The following CACNA1E variants were observed in gnomAD, a reference collection of about 807,000 sequenced individuals.
CACNA1E encodes calcium voltage-gated channel subunit alpha1 E, also known as voltage-dependent R-type calcium channel subunit alpha-1E.
In CACNA1E, 40 loss-of-function variants were observed where a neutral mutation model predicts 259.2. That is an observed-to-expected ratio of 0.15 (90% CI 0.12 to 0.20). The LOEUF (loss-of-function observed/expected upper bound fraction) is 0.20. Among genes scored for constraint, CACNA1E ranks in the 10% least tolerant of loss-of-function variants. The probability of loss-of-function intolerance (pLI) is 1.00; values close to 1 mark genes in which losing one functional copy is unlikely to be tolerated. For synonymous variants in CACNA1E, 1,104 were observed against 1,138.5 expected (o/e 0.97, Z 0.61); for missense variants, 1,874 against 3,040.1 (o/e 0.62, Z 9.02).
intron 40 of CACNA1E, 40 bp downstream of exon 40, chr1:181,783,824 C>A: frequency 7.7e-7 from 1 of 1,294,006 alleles, no homozygotes; most frequent in Non-Finnish European, 1.1e-6. Flanking sequence ...AGGAGGAATT[C>A]TGGAACAACT....
chr1:181,320,905 A>T (rs1464599453), intron 1 of CACNA1E, among the ~76,000 whole-genome samples: 5 of 152,122 alleles, frequency 3.3e-5, no homozygotes, highest in African/African-American at 7.2e-5. Context: ...AATTTATTTT[A>T]AAAAAAGAGG....
intron 1 of CACNA1E, among the ~76,000 whole-genome samples, chr1:181,359,729 G>A (rs1653723901): frequency 6.6e-6 from 1 of 152,138 alleles, no homozygotes; most frequent in Non-Finnish European, 1.5e-5. Flanking sequence ...ATTAAACTGT[G>A]TAGTGGGTAC....
At chr1:181,473,460 C>T (rs1055566173) in intron 2 of CACNA1E, among the ~76,000 whole-genome samples, 7 of 152,208 alleles carry the variant, frequency 4.6e-5, no homozygotes, top group East Asian at 1.9e-4. Context: ...TGGGATATTG[C>T]AATGCAAAAT....
intron 1 of CACNA1E, among the ~76,000 whole-genome samples, chr1:181,382,274 T>G (rs1222778319): frequency 1.3e-5 from 2 of 152,090 alleles, no homozygotes; most frequent in Non-Finnish European, 2.9e-5. Context: ...CTAGAGTTGG[T>G]AAGGGAGAGG....
chr1:181,725,542 T>G (rs1361607740), intron 17 of CACNA1E, among the ~76,000 whole-genome samples: 1 of 152,250 alleles, frequency 6.6e-6, no homozygotes, highest in African/African-American at 2.4e-5. Context: ...GTTCATCACA[T>G]AGAGGGGACA....
intron 7 of CACNA1E, among the ~76,000 whole-genome samples, chr1:181,652,685 C>T (rs1236518188): frequency 6.6e-6 from 1 of 152,122 alleles, no homozygotes; most frequent in Non-Finnish European, 1.5e-5. Context: ...AGGACTGATG[C>T]AAAGTCCTTG....
rs1662265456 is a variant in CACNA1E, at chr1:181,801,396, CCT to C, written c.*2563_*2564del. 3 of 152,258 alleles carry C rather than the reference CCT, an allele frequency of 2.0e-5. No homozygotes were observed. Among genetic ancestry groups the C allele is most frequent in the Admixed American group, 6.5e-5 (1 of 15,274 alleles). 9.4% of individuals were successfully genotyped at this position (152,258 alleles called of 1,614,324 possible). A position where few individuals can be genotyped will look rare whatever the true frequency, so the allele number is the denominator to read the frequency against. On this transcript the variant is annotated 3_prime_UTR_variant, in exon 48 of 48. Transcript: ENST00000367573. ...AACTCATACACACAGGTATTTGAGT[CCT>C]GAATAAAGTGTTGGAAAGCACTGCA...
intron 1 of CACNA1E, among the ~76,000 whole-genome samples, chr1:181,490,991 C>T (rs760171969): frequency 9.8e-5 from 15 of 152,308 alleles, no homozygotes; most frequent in South Asian, 4.1e-4. Context: ...TTAATACTCT[C>T]GAGCCTTTCT....
rs1048859907 is a variant in CACNA1E at position 181,634,243 on chromosome 1, G to A, written c.952-17095G>A. 5.9e-5 allele frequency among the ~76,000 whole-genome samples: 9 copies of A among 152,110 alleles called. 1 individual carries two copies. The highest frequency in any genetic ancestry group is 3.9e-4 in the Admixed American group (6 of 15,270). ...TGATGACTTCATTGGGTCATTATGA[G>A]GATTAAAAGAAATCAGGTATGAGAA... On this transcript the variant is annotated intron_variant, in intron 6 of 47. Transcript: ENST00000367573.
At chr1:181,700,297 C>T (rs1319118717) in intron 7 of CACNA1E, among the ~76,000 whole-genome samples, 2 of 152,180 alleles carry the variant, frequency 1.3e-5, no homozygotes, top group Admixed American at 6.5e-5. Context: ...CAGGACTGAC[C>T]TGGAATTGAG....
chr1:181,320,777 G>A (rs1052452948), intron 1 of CACNA1E, among the ~76,000 whole-genome samples: 3 of 152,118 alleles, frequency 2.0e-5, no homozygotes, highest in South Asian at 4.1e-4. Context: ...CAGTCTGCTC[G>A]GCCATCCTGA....
chr1:181,509,162 C>T (rs1236415186), intron 1 of CACNA1E, among the ~76,000 whole-genome samples: 2 of 152,140 alleles, frequency 1.3e-5, no homozygotes, highest in African/African-American at 4.8e-5. Context: ...AGCATCTCAG[C>T]CCTGCAGCCC....
rs1158850055 is a variant in CACNA1E at position 181,793,680 on chromosome 1, G to C, written c.5914G>C (p.Glu1972Gln). ...ERQSLEPEVSELKSVQPSNHG... is the reference protein window; with the variant it reads ...ERQSLEPEVSQLKSVQPSNHG... ...TTATTTCCAGGAGCCAGAGGTTAGT[G>C]AATTAAAAAGCGTGCAGCCCTCTAA... is the stretch of plus-strand genomic sequence containing the variant. The change falls in exon 45 of 48, where the codon GAA becomes CAA. Residue 1972 changes from glutamate to glutamine, a missense_variant. Physicochemically the swap from Glu to Gln is conservative, Grantham distance 29. Around this residue, in one of 14 missense-constraint regions of CACNA1E, gnomAD observed 542 missense variants for 587.2 expected, o/e 0.92. Coordinates refer to ENST00000367573, the MANE Select transcript of CACNA1E (RefSeq NM_001205293.3). 3 of 1,609,962 alleles carry C rather than the reference G, an allele frequency of 1.9e-6. No homozygotes were observed. The highest frequency in any genetic ancestry group is 2.5e-6 in the Non-Finnish European group (3 of 1,178,774).
intron 1 of CACNA1E, among the ~76,000 whole-genome samples, chr1:181,363,692 G>T (rs1184164515): frequency 6.6e-6 from 1 of 152,162 alleles, no homozygotes; most frequent in African/African-American, 2.4e-5. Flanking sequence ...TATATAGGTT[G>T]CTGCAGGGCA....
chr1:181,731,059 G>T, intron 18 of CACNA1E, 116 bp from the exon 19 acceptor site: 2 of 755,874 alleles, frequency 2.6e-6, no homozygotes, highest in South Asian at 1.5e-5. Flanking sequence ...GGCACATGGA[G>T]ACCTGATGGC....
At chr1:181,515,218 C>A (rs955772827) in intron 3 of CACNA1E, among the ~76,000 whole-genome samples, 3 of 152,174 alleles carry the variant, frequency 2.0e-5, no homozygotes, top group Non-Finnish European at 4.4e-5. Context: ...AAAGGTGGGG[C>A]TTCACATGTG....
intron 37 of CACNA1E, 139 bp downstream of exon 37, chr1:181,772,370 A>ACACACT (rs1230758520): frequency 3.3e-5 from 25 of 767,876 alleles, no homozygotes; most frequent in Non-Finnish European, 4.9e-5. Flanking sequence ...CCCACCATGC[A>ACACACT]CACACTCACA....
chr1:181,781,300 C>T, intron 38 of CACNA1E, 127 bp from the exon 39 acceptor site: 4 of 622,010 alleles, frequency 6.4e-6, no homozygotes, highest in Non-Finnish European at 1.2e-5. Context: ...TTCGTTTTTG[C>T]TCTCTGGGAA....
rs531893951 is a variant in CACNA1E, at chr1:181,522,739, C to A, written c.512+11229C>A. 3.9e-5 allele frequency among the ~76,000 whole-genome samples: 6 copies of A among 152,304 alleles called. No individual in the cohort carries two copies. In the South Asian group the frequency reaches 1.2e-3, roughly 32 times the overall value. ...GAAATAGAGAATCCCAGTTCCCTTT[C>A]CAAGTAAGTGTCGTATTCTCTGTTC... is the stretch of plus-strand genomic sequence containing the variant. On this transcript the variant is annotated intron_variant, in intron 3 of 47. Transcript: ENST00000367573.
Sources: allele counts gnomAD v4.1 joint callset (sites outside exome capture counted in the v4.1 genomes callset), GRCh38; gene constraint gnomAD v4.1.1; regional missense constraint gnomAD v4.1.1; transcripts MANE v1.5; gene names NCBI Gene and HGNC (gene_info 2026-07-23, HGNC 2026-07-21).